Variants in VIPAS39 observed in about 807,000 individuals in gnomAD.
VIPAS39 encodes the protein spermatogenesis-defective protein 39 homolog.
A neutral mutation model predicts 84.7 loss-of-function variants in VIPAS39; 63 were observed. The ratio of observed to expected loss-of-function variants is 0.74; its 90% CI spans 0.61 to 0.92. The LOEUF (loss-of-function observed/expected upper bound fraction) is 0.92. Ranked by LOEUF, VIPAS39 falls within the 40% of genes least tolerant of loss-of-function variation. VIPAS39 has a pLI of 0.00. For synonymous variants in VIPAS39, 192 were observed against 216.5 expected, an observed-to-expected ratio of 0.89 and a Z score of 0.99; for missense variants, 499 against 604.5, an observed-to-expected ratio of 0.83 and a Z score of 1.83.
At chr14:77,434,736 C>CAA (rs796461189) in intron 14 of VIPAS39, among the ~76,000 whole-genome samples, 16 of 139,170 alleles carry the variant, frequency 1.1e-4, no homozygotes, top group African/African-American at 3.9e-4. Context: ...ACTAAAAATA[C>CAA]AAAAAAAAAA....
chr14:77,447,731 GCTCACTAC>G (rs2078815126), intron 7 of VIPAS39, among the ~76,000 whole-genome samples: 1 of 152,198 alleles, frequency 6.6e-6, no homozygotes, highest in African/African-American at 2.4e-5. Context: ...CACGATCTCA[GCTCACTAC>G]AACCTCCACT....
At chr14:77,448,987 C>T (rs2078841470) in intron 6 of VIPAS39, among the ~76,000 whole-genome samples, 1 of 152,180 alleles carries the variant, frequency 6.6e-6, no homozygotes, top group Non-Finnish European at 1.5e-5. Context: ...AATATGAGCT[C>T]TACCAGGCTT....
chr14:77,435,221 A>T, intron 14 of VIPAS39, 38 bp downstream of exon 14: 1 of 1,613,580 alleles, frequency 6.2e-7, no homozygotes, highest in South Asian at 1.1e-5. Context: ...CTTTTTGTGC[A>T]ATGAGAGTTT....
At chr14:77,449,889 TG>T in intron 4 of VIPAS39, 137 bp from the exon 5 acceptor site, 1 of 1,049,530 alleles carries the variant, frequency 9.5e-7, no homozygotes, top group Non-Finnish European at 1.4e-6. Flanking sequence ...TTTATTCATC[TG>T]TAGAAATCTG....
At chr14:77,436,027 G>A (rs1463361250) in intron 12 of VIPAS39, 108 bp from the exon 13 acceptor site, 1 of 1,061,004 alleles carries the variant, frequency 9.4e-7, no homozygotes, top group Non-Finnish European at 1.5e-6. Flanking sequence ...TGCCTCACAA[G>A]TCTGATCTCA....
intron 11 of VIPAS39, among the ~76,000 whole-genome samples, chr14:77,439,617 G>A (rs571114964): frequency 1.6e-4 from 25 of 152,044 alleles, no homozygotes; most frequent in Non-Finnish European, 2.8e-4. Context: ...TGAGACCCCC[G>A]TCTCTACAAA....
intron 12 of VIPAS39, among the ~76,000 whole-genome samples, chr14:77,436,800 G>A (rs1197949647): frequency 6.6e-6 from 1 of 152,094 alleles, no homozygotes; most frequent in African/African-American, 2.4e-5. Context: ...AAGTCATGTG[G>A]TCAATGGGGA....
intron 11 of VIPAS39, among the ~76,000 whole-genome samples, chr14:77,439,502 C>T (rs2078666517): frequency 6.6e-6 from 1 of 152,134 alleles, no homozygotes; most frequent in Non-Finnish European, 1.5e-5. Context: ...AAACATGTTA[C>T]TGAGCCAGGT....
At chr14:77,446,366 C>G (rs1026973610) in intron 7 of VIPAS39, among the ~76,000 whole-genome samples, 2 of 152,076 alleles carry the variant, frequency 1.3e-5, no homozygotes. Flanking sequence ...TGCAGTGATG[C>G]AATCACAGCT....
At chr14:77,454,955 T>C (rs1242416074) in intron 1 of VIPAS39, among the ~76,000 whole-genome samples, 5 of 152,216 alleles carry the variant, frequency 3.3e-5, no homozygotes, top group Non-Finnish European at 7.3e-5. Context: ...CACCCTCATG[T>C]ATGCTTTTTA....
At chr14:77,451,931 A>G (rs1390252979) in intron 3 of VIPAS39, among the ~76,000 whole-genome samples, 2 of 152,210 alleles carry the variant, frequency 1.3e-5, no homozygotes, top group Admixed American at 6.5e-5. Context: ...CAATTTGGCA[A>G]TATCTACCCA....
intron 3 of VIPAS39, among the ~76,000 whole-genome samples, chr14:77,452,331 G>A (rs1594926650): frequency 6.6e-6 from 1 of 151,928 alleles, no homozygotes; most frequent in Admixed American, 6.6e-5. Flanking sequence ...AGCAACGATT[G>A]TTTTTTGGGA....
chr14:77,453,252 A>G (rs766393834), intron 3 of VIPAS39, 47 bp downstream of exon 3: 6 of 1,572,102 alleles, frequency 3.8e-6, no homozygotes, highest in Non-Finnish European at 5.3e-6. Context: ...TTTATCAGTG[A>G]TAAGAATCCT....
chr14:77,441,603 T>C (rs1332994556), intron 10 of VIPAS39, among the ~76,000 whole-genome samples: 3 of 152,078 alleles, frequency 2.0e-5, no homozygotes, highest in Non-Finnish European at 2.9e-5. Flanking sequence ...GCCCTGTTGG[T>C]TGGGAAAGAG....
intron 4 of VIPAS39, among the ~76,000 whole-genome samples, chr14:77,450,253 A>G (rs1442412446): frequency 6.6e-6 from 1 of 152,224 alleles, no homozygotes; most frequent in Non-Finnish European, 1.5e-5. Context: ...CATTTTATTT[A>G]GTATCACATC....
At chr14:77,449,605 A>C in intron 5 of VIPAS39, 109 bp downstream of exon 5, 1 of 1,437,528 alleles carries the variant, frequency 7.0e-7, no homozygotes, top group South Asian at 1.1e-5. Flanking sequence ...CAGTAGATGC[A>C]GAAGAAAGTT....
At chr14:77,440,926 C>T (rs1594906894) in intron 11 of VIPAS39, 140 bp downstream of exon 11, 5 of 942,016 alleles carry the variant, frequency 5.3e-6, no homozygotes, top group African/African-American at 4.9e-5. Flanking sequence ...CCATGTTGGC[C>T]AGGCTGGTCT....
In VIPAS39 at chr14:77,428,376, G is replaced by T. The variant is rs145453157; in HGVS notation, c.1455C>A (p.Ser485Arg). ...AEEEKIDALL[S>R]SSQIRWKN is the part of the protein sequence containing the mutation. ...GTGAACTGTAGCTGCTCACCGAGCTGCTGAGAAGAGCATCAATCTTCTCCT... is the reference window on the plus strand; with the variant it reads ...GTGAACTGTAGCTGCTCACCGAGCTTCTGAGAAGAGCATCAATCTTCTCCT... Residue 485 changes from serine (S) to arginine (R), a missense_variant, in exon 19 of 20, where the codon AGC becomes AGA. Ser to Arg is a moderately radical substitution (Grantham distance 110). Coordinates refer to ENST00000557658, the MANE Select transcript of VIPAS39 (RefSeq NM_001193315.2). 2.1e-3 allele frequency: 3,425 copies of T among 1,613,746 alleles called. 10 individuals carry two copies. The highest frequency in any genetic ancestry group is 2.7e-3 in the Non-Finnish European group (3,222 of 1,179,810).
chr14:77,439,150 CA>C (rs2078660865), intron 11 of VIPAS39, among the ~76,000 whole-genome samples: 1 of 152,076 alleles, frequency 6.6e-6, no homozygotes, highest in South Asian at 2.1e-4. Context: ...TTGCCACTTC[CA>C]AAGTTTACAA....
Sources: gnomAD v4.1 joint callset for allele counts (sites outside exome capture counted in the v4.1 genomes callset) on GRCh38, gnomAD v4.1.1 for gene constraint, MANE v1.5 for transcripts, NCBI Gene and HGNC (gene_info 2026-07-23, HGNC 2026-07-21) for gene names.